The following LAMA2 variants were observed in gnomAD, a reference collection of about 807,000 sequenced individuals.
The protein encoded by LAMA2 is laminin subunit alpha 2.
Under a neutral mutation model 364.8 loss-of-function variants are expected in LAMA2, and 269 were observed. That is an observed-to-expected ratio of 0.74 (90% CI 0.67 to 0.82). The LOEUF (loss-of-function observed/expected upper bound fraction) is 0.82. Ranked by LOEUF, LAMA2 falls within the 40% of genes least tolerant of loss-of-function variation. LAMA2 has a pLI of 0.00. For missense variants in LAMA2, 3,807 were observed against 3,873.2 expected, an observed-to-expected ratio of 0.98 and a Z score of 0.45; for synonymous variants, 1,379 against 1,370.6, an observed-to-expected ratio of 1.01 and a Z score of -0.14.
chr6:129,287,940 C>A lies in LAMA2; in HGVS notation c.2631C>A (p.Gly877=). The change falls in exon 19 of 65, where the codon GGC becomes GGA. Residue 877 remains glycine (G), a synonymous_variant. Transcript: ENST00000421865. The stretch of plus-strand genomic sequence containing the variant: ...ACAACCTTGACTTCTCCATCCCTGG[C>A]AGCTGTGACAGCTTGTCTGGCTCCT... ...CNDNLDFSIP[G]SCDSLSGSCL... is the part of the protein sequence containing the mutation. The A allele has an allele frequency of 6.2e-7, 1 of 1,614,082 alleles. No individual in the cohort carries two copies. Among genetic ancestry groups the A allele is most frequent in the Non-Finnish European group, 8.5e-7 (1 of 1,179,952 alleles).
rs1365657711 is a variant in LAMA2 at position 128,943,269 on chromosome 6, C to CACAGAGAGAGAGAG, written c.112+59913_112+59914insCAGAGAGAGAGAGA. On this transcript the variant is annotated intron_variant, in intron 1 of 64. Coordinates refer to ENST00000421865, the MANE Select transcript of LAMA2 (RefSeq NM_000426.4). The stretch of plus-strand genomic sequence containing the variant: ...GAGAGAGTGTGTGTGTATATATACA[C>CACAGAGAGAGAGAG]AGAGAGAGAGAGAGAGAGAGAGAGA... Among the ~76,000 whole-genome samples the CACAGAGAGAGAGAG allele has an allele frequency of 2.9e-3, 413 of 143,172 alleles. 5 individuals are homozygous for CACAGAGAGAGAGAG. The highest frequency in any genetic ancestry group is 9.9e-3 in the African/African-American group (382 of 38,600). The allele number at this position is 143,172 out of a possible 152,430, so 93.9% of individuals were successfully genotyped here. A position where few individuals can be genotyped will look rare whatever the true frequency, so the allele number is the denominator to read the frequency against.
At chr6:128,898,968 G>A (rs1477748981) in intron 1 of LAMA2, among the ~76,000 whole-genome samples, 2 of 152,084 alleles carry the variant, frequency 1.3e-5, no homozygotes, top group African/African-American at 4.8e-5. Context: ...CATGTCAAAT[G>A]TCACCTCTTA....
At chr6:128,947,698 T>A (rs1185950480) in intron 1 of LAMA2, among the ~76,000 whole-genome samples, 2 of 152,178 alleles carry the variant, frequency 1.3e-5, no homozygotes, top group African/African-American at 4.8e-5. Flanking sequence ...AAAGCGAGGA[T>A]GTGAGACTGT....
intron 20 of LAMA2, among the ~76,000 whole-genome samples, chr6:129,297,424 T>C (rs1583440029): frequency 6.6e-6 from 1 of 152,170 alleles, no homozygotes; most frequent in Non-Finnish European, 1.5e-5. Context: ...GACAGGCTGG[T>C]GAAAATACAA....
chr6:129,465,155 T>G lies in LAMA2; in HGVS notation c.7166T>G (p.Met2389Arg). Residue 2389 changes from methionine to arginine, a missense_variant, in exon 51 of 65, where the codon ATG (methionine) becomes AGG (arginine). By Grantham distance (91) the Met-to-Arg change is moderately conservative. Coordinates refer to ENST00000421865, the MANE Select transcript of LAMA2 (RefSeq NM_000426.4). The stretch of plus-strand genomic sequence containing the variant: ...TTACTCTATTAATAGAGAGATTTCA[T>G]GAGTGTGGAGCTCACTGATGGGCAC... Reference protein sequence around the residue: ...YLATRDLRDFMSVELTDGHIK... With the variant: ...YLATRDLRDFRSVELTDGHIK... The G allele has an allele frequency of 6.2e-7, 1 of 1,610,492 alleles. No homozygotes were observed. Among genetic ancestry groups the G allele is most frequent in the South Asian group, 1.1e-5 (1 of 91,044 alleles).
chr6:129,347,517 A>C (rs1164650528), intron 30 of LAMA2, among the ~76,000 whole-genome samples: 1 of 152,184 alleles, frequency 6.6e-6, no homozygotes, highest in Non-Finnish European at 1.5e-5. Flanking sequence ...ACTGGGATAA[A>C]AACCAGAAGG....
chr6:129,453,153 T>C, intron 46 of LAMA2, 22 bp downstream of exon 46: 3 of 1,604,026 alleles, frequency 1.9e-6, no homozygotes, highest in Non-Finnish European at 2.6e-6. Context: ...ATTCAACTTT[T>C]CATTAGGCTG....
At chr6:129,223,768 AG>A (rs1461504333) in intron 12 of LAMA2, among the ~76,000 whole-genome samples, 9 of 152,186 alleles carry the variant, frequency 5.9e-5, no homozygotes. Flanking sequence ...GTTTGAAGTC[AG>A]GTAGCATGAT....
chr6:129,227,532 G>A (rs1040144865), intron 12 of LAMA2, among the ~76,000 whole-genome samples: 1 of 152,148 alleles, frequency 6.6e-6, no homozygotes, highest in Non-Finnish European at 1.5e-5. Flanking sequence ...CTATTTGTTA[G>A]TTTTCCTTCT....
chr6:128,962,136 G>T (rs1308089034), intron 1 of LAMA2, among the ~76,000 whole-genome samples: 2 of 52,266 alleles, frequency 3.8e-5, no homozygotes, highest in African/African-American at 1.5e-4. Flanking sequence ...TCATCCTCTG[G>T]ACCATATATA....
chr6:128,915,139 C>T (rs1778230826), intron 1 of LAMA2, among the ~76,000 whole-genome samples: 1 of 152,042 alleles, frequency 6.6e-6, no homozygotes, highest in Non-Finnish European at 1.5e-5. Flanking sequence ...TCACATGGAC[C>T]TTTTCCTGAA....
intron 9 of LAMA2, among the ~76,000 whole-genome samples, chr6:129,172,654 G>C (rs1780268964): frequency 6.6e-6 from 1 of 152,224 alleles, no homozygotes; most frequent in Non-Finnish European, 1.5e-5. Flanking sequence ...CCCAGAGGTG[G>C]AGCCTACAGA....
At chr6:128,979,130 G>A (rs1209326941) in intron 1 of LAMA2, among the ~76,000 whole-genome samples, 1 of 152,194 alleles carries the variant, frequency 6.6e-6, no homozygotes, top group Non-Finnish European at 1.5e-5. Flanking sequence ...TATTGCAGGT[G>A]ATATGGTCTC....
At position 128,935,987 on chromosome 6, in the gene LAMA2, T is replaced by C. The variant is rs1243042118; in HGVS notation, c.112+52630T>C. ...CATGGAGGCCAGTTTCCCCGATGCTTTTCTTGTGATAGTGAGTGAGTTCTC... is the reference window on the plus strand; with the variant it reads ...CATGGAGGCCAGTTTCCCCGATGCTCTTCTTGTGATAGTGAGTGAGTTCTC... On this transcript the variant is annotated intron_variant, in intron 1 of 64. Transcript: ENST00000421865. Among the ~76,000 whole-genome samples the C allele has an allele frequency of 3.9e-5, 6 of 152,132 alleles. No individual in the cohort carries two copies. In the East Asian group the frequency reaches 1.2e-3, roughly 29 times the overall value.
Position 129,237,847 on chromosome 6 carries a change from G to T in LAMA2, c.1783-12265G>T, listed in dbSNP as rs1785100018. 3.3e-5 allele frequency among the ~76,000 whole-genome samples: 5 copies of T among 152,008 alleles called. No homozygotes were observed. In the South Asian group the frequency reaches 1.0e-3, roughly 32 times the overall value. On this transcript the variant is annotated intron_variant, in intron 12 of 64. Transcript: ENST00000421865. ...ATATTATCAAACTTTTGGGTCTTTG[G>T]CAATCCAATGGGTGAAAAATGACAT...
chr6:129,418,311 A>G (rs1322933188), intron 40 of LAMA2, among the ~76,000 whole-genome samples: 2 of 151,976 alleles, frequency 1.3e-5, no homozygotes, highest in Admixed American at 1.3e-4. Context: ...TCGGTCTTTC[A>G]CTATTTTATA....
In LAMA2 at chr6:128,929,020, T is replaced by A. The variant is rs1024287458; in HGVS notation, c.112+45663T>A. On this transcript the variant is annotated intron_variant, in intron 1 of 64. Transcript: ENST00000421865. The stretch of plus-strand genomic sequence containing the variant: ...GAAGGAGTTAGATGAAGCCCATATA[T>A]GCATTCAAGAAGCCAATGGTATCCT... 9 of 1,404,492 alleles carry A rather than the reference T, an allele frequency of 6.4e-6. No individual in the cohort carries two copies. In the Admixed American group the frequency reaches 1.5e-4, roughly 24 times the overall value. The allele number at this position is 1,404,492 out of a possible 1,614,324, so 87.0% of individuals were successfully genotyped here.
At chr6:129,184,011 C>T (rs574830520) in intron 10 of LAMA2, among the ~76,000 whole-genome samples, 18 of 151,898 alleles carry the variant, frequency 1.2e-4, no homozygotes, top group Non-Finnish European at 2.2e-4. Context: ...TTTTCTGCCT[C>T]TCAGTAGGTA....
At chr6:129,354,831 C>G (rs1430714749) in intron 32 of LAMA2, among the ~76,000 whole-genome samples, 1 of 152,114 alleles carries the variant, frequency 6.6e-6, no homozygotes, top group South Asian at 2.1e-4. Context: ...ATGATCAATA[C>G]TTTTTTAACA....
Sources: allele counts gnomAD v4.1 joint callset (sites outside exome capture counted in the v4.1 genomes callset), GRCh38; gene constraint gnomAD v4.1.1; transcripts MANE v1.5; gene names NCBI Gene and HGNC (gene_info 2026-07-23, HGNC 2026-07-21).